The following ANKS1B variants were observed in gnomAD, a reference collection of about 807,000 sequenced individuals.
ANKS1B encodes the protein ankyrin repeat and sterile alpha motif domain-containing protein 1B.
In ANKS1B, 36 loss-of-function variants were observed where a neutral mutation model predicts 148.3. The ratio of observed to expected loss-of-function variants is 0.24; its 90% CI spans 0.19 to 0.32. The LOEUF is 0.32. Among genes scored for constraint, ANKS1B ranks in the 10% least tolerant of loss-of-function variants. ANKS1B has a pLI of 1.00. For missense variants in ANKS1B, 1,157 were observed against 1,542.6 expected, an observed-to-expected ratio of 0.75 and a Z score of 4.19; for synonymous variants, 542 against 560.8, an observed-to-expected ratio of 0.97 and a Z score of 0.47.
intron 9 of ANKS1B, among the ~76,000 whole-genome samples, chr12:99,559,801 G>A (rs1245218506): frequency 6.6e-6 from 1 of 152,152 alleles, no homozygotes; most frequent in Non-Finnish European, 1.5e-5. Context: ...TGTGGATGGT[G>A]AAGATAAGTA....
rs1237913386 is a variant in ANKS1B at position 99,504,479 on chromosome 12, T to A, written c.1435A>T (p.Thr479Ser). The change falls in exon 10 of 27, where the codon ACT (threonine) becomes TCT (serine). Residue 479 changes from threonine (T) to serine (S), a missense_variant. Thr to Ser is a moderately conservative substitution (Grantham distance 58). Coordinates refer to ENST00000683438, the MANE Select transcript of ANKS1B (RefSeq NM_001352186.2). ...AATTGTGAGTAAGAGATATTACCAG[T>A]TCTTGGGGAAGGTGCCCTTGCAATT... ...LEIARAPSPRTDNASEVAVTT... is the reference protein window; with the variant it reads ...LEIARAPSPRSDNASEVAVTT... The A allele has an allele frequency of 1.2e-6, 2 of 1,611,862 alleles. No homozygotes were observed. Among genetic ancestry groups the A allele is most frequent in the African/African-American group, 2.7e-5 (2 of 74,822 alleles).
At chr12:98,869,239 G>A (rs1046948600) in intron 17 of ANKS1B, among the ~76,000 whole-genome samples, 2 of 152,092 alleles carry the variant, frequency 1.3e-5, no homozygotes, top group Non-Finnish European at 2.9e-5. Context: ...ATGCATGCTT[G>A]GTATTCAATA....
At chr12:99,303,048 C>T (rs938804224) in intron 12 of ANKS1B, among the ~76,000 whole-genome samples, 10 of 152,024 alleles carry the variant, frequency 6.6e-5, no homozygotes, top group South Asian at 2.1e-4. Flanking sequence ...TCTTAGCAAA[C>T]GCACACACCG....
intron 11 of ANKS1B, among the ~76,000 whole-genome samples, chr12:99,436,708 GCT>G (rs1423215160): frequency 6.6e-6 from 1 of 151,908 alleles, no homozygotes; most frequent in African/African-American, 2.4e-5. Flanking sequence ...TTTATTGTTA[GCT>G]CATTAATCAT....
At chr12:99,370,649 T>G (rs147108332) in intron 12 of ANKS1B, among the ~76,000 whole-genome samples, 6 of 152,322 alleles carry the variant, frequency 3.9e-5, no homozygotes, top group Non-Finnish European at 7.4e-5. Context: ...TCACTACACA[T>G]ACACTAGTTT....
At chr12:99,453,734 G>A (rs1176845126) in intron 10 of ANKS1B, among the ~76,000 whole-genome samples, 1 of 152,192 alleles carries the variant, frequency 6.6e-6, no homozygotes, top group Non-Finnish European at 1.5e-5. Context: ...TAAATGTTTG[G>A]TTAACGTTTA....
At chr12:99,303,168 T>TA (rs1283820985) in intron 12 of ANKS1B, among the ~76,000 whole-genome samples, 1 of 152,160 alleles carries the variant, frequency 6.6e-6, no homozygotes, top group Non-Finnish European at 1.5e-5. Context: ...ACTGCTGACC[T>TA]AAAAAATTAC....
intron 8 of ANKS1B, among the ~76,000 whole-genome samples, chr12:99,698,863 T>G (rs1172984969): frequency 6.6e-6 from 1 of 152,166 alleles, no homozygotes; most frequent in Non-Finnish European, 1.5e-5. Context: ...TCACACTACT[T>G]AATAGATATC....
chr12:99,636,242 A>G (rs2098234677), intron 9 of ANKS1B, among the ~76,000 whole-genome samples: 1 of 152,186 alleles, frequency 6.6e-6, no homozygotes, highest in Non-Finnish European at 1.5e-5. Context: ...TAAAGCCACC[A>G]TGAACACCAA....
At chr12:98,817,055 T>G (rs1305868746) in intron 19 of ANKS1B, among the ~76,000 whole-genome samples, 2 of 152,198 alleles carry the variant, frequency 1.3e-5, no homozygotes, top group African/African-American at 4.8e-5. Context: ...TCATAATACT[T>G]TCAACACTTC....
intron 1 of ANKS1B, among the ~76,000 whole-genome samples, chr12:99,837,637 T>A (rs1180699783): frequency 6.6e-6 from 1 of 152,160 alleles, no homozygotes; most frequent in Non-Finnish European, 1.5e-5. Context: ...AGAAAAGTAA[T>A]TTATCAAAGA....
intron 9 of ANKS1B, among the ~76,000 whole-genome samples, chr12:99,612,670 T>C (rs2097912882): frequency 6.6e-6 from 1 of 152,130 alleles, no homozygotes; most frequent in Admixed American, 6.6e-5. Flanking sequence ...CTGTAAAATG[T>C]TTTTCTCTTT....
chr12:99,642,533 C>A (rs1174733887), intron 9 of ANKS1B, among the ~76,000 whole-genome samples: 1 of 152,086 alleles, frequency 6.6e-6, no homozygotes, highest in East Asian at 1.9e-4. Context: ...AAAAGAGAAT[C>A]TAGGGGGCAT....
Position 99,648,063 on chromosome 12 carries a change from A to G in ANKS1B, c.1272+7004T>C. 4.8e-6 allele frequency: 7 copies of G among 1,443,562 alleles called. 1 individual carries two copies. In the South Asian group the frequency reaches 9.8e-5, roughly 20 times the overall value. 89.4% of individuals were successfully genotyped at this position (1,443,562 alleles called of 1,614,324 possible). A position where few individuals can be genotyped will look rare whatever the true frequency, so the allele number is the denominator to read the frequency against. On this transcript the variant is annotated intron_variant, in intron 9 of 26. Transcript: ENST00000683438. ...GGGGACAAAAAAGAAAGCCTGCAGA[A>G]CACGACTGCTGGCCCACCTGCCAGA...
chr12:99,641,638 A>C (rs753720478), intron 9 of ANKS1B, among the ~76,000 whole-genome samples: 4 of 152,186 alleles, frequency 2.6e-5, no homozygotes, highest in Non-Finnish European at 5.9e-5. Flanking sequence ...TTTGGACAAT[A>C]ATAAATACGT....
intron 17 of ANKS1B, among the ~76,000 whole-genome samples, chr12:98,895,480 G>A (rs550628499): frequency 1.3e-5 from 2 of 152,340 alleles, no homozygotes; most frequent in East Asian, 3.9e-4. Context: ...GCAAGGGGCA[G>A]AAGCAGGTCC....
chr12:99,705,910 A>C (rs1313403231), intron 8 of ANKS1B, among the ~76,000 whole-genome samples: 1 of 152,142 alleles, frequency 6.6e-6, no homozygotes, highest in Non-Finnish European at 1.5e-5. Flanking sequence ...CTATATATAC[A>C]TAGAAAATCA....
intron 9 of ANKS1B, among the ~76,000 whole-genome samples, chr12:99,512,921 G>A (rs7309411): frequency 0.12 from 17,503 of 151,782 alleles, 2,297 homozygotes; most frequent in African/African-American, 0.33. Flanking sequence ...AGAGGAGACC[G>A]TCAGAAAGAA....
chr12:98,854,555 G>C (rs116185013), intron 17 of ANKS1B, among the ~76,000 whole-genome samples: 222 of 152,300 alleles, frequency 1.5e-3, no homozygotes, highest in African/African-American at 4.8e-3. Context: ...AAGTCTGTTA[G>C]ATTTTAACAC....
Sources: allele counts gnomAD v4.1 joint callset (sites outside exome capture counted in the v4.1 genomes callset), GRCh38; gene constraint gnomAD v4.1.1; transcripts MANE v1.5; gene names NCBI Gene and HGNC (gene_info 2026-07-23, HGNC 2026-07-21).